The following PZP variants were observed in gnomAD, a reference collection of about 807,000 sequenced individuals.
PZP encodes the protein pregnancy zone protein.
A neutral mutation model predicts 179.8 loss-of-function variants in PZP; 150 were observed. The observed-to-expected ratio is 0.83, with a 90% CI of 0.73 to 0.96. The LOEUF (loss-of-function observed/expected upper bound fraction) is 0.96. Ranked by LOEUF, PZP falls within the 40% of genes least tolerant of loss-of-function variation. The pLI is 0.00. For synonymous variants in PZP, 624 were observed against 652.3 expected (o/e 0.96, Z 0.66); for missense variants, 1,689 against 1,764.0 (o/e 0.96, Z 0.76).
chr12:9,201,909 T>A lies in PZP; in HGVS notation c.480+410A>T, dbSNP rs768244021. On this transcript the variant is annotated intron_variant, in intron 4 of 35. Coordinates refer to ENST00000261336, the MANE Select transcript of PZP (RefSeq NM_002864.3). ...AGTCTTTGTGTATAATATATTTCTA[T>A]ACTATATGTATCGAATATATAATAA... Among the ~76,000 whole-genome samples, 3 of 152,216 alleles carry A rather than the reference T, an allele frequency of 2.0e-5. No homozygotes were observed. The South Asian group carries it at 6.2e-4, about 31-fold the overall frequency.
chr12:9,150,644 C>G lies in PZP; in HGVS notation c.4384G>C (p.Asp1462His). Reference sequence around the variant, plus strand: ...ATTGTTTCATTTTTCTTTCACTCACCTGTCTCATAGTAATCATAGACTTTA... The same window carrying G: ...ATTGTTTCATTTTTCTTTCACTCACGTGTCTCATAGTAATCATAGACTTTA... ...IVKVYDYYET[D>H]ESVVAEYIAP... is the part of the protein sequence containing the mutation. Residue 1462 changes from aspartate to histidine, a missense_variant and splice_region_variant, in exon 34 of 36, where the codon GAT becomes CAT. Physicochemically the swap from Asp to His is moderately conservative, Grantham distance 81. Transcript: ENST00000261336. The G allele has an allele frequency of 6.3e-7, 1 of 1,585,110 alleles. No homozygotes were observed. Among genetic ancestry groups the G allele is most frequent in the Non-Finnish European group, 8.6e-7 (1 of 1,157,058 alleles).
At position 9,180,896 on chromosome 12, in the gene PZP, A is replaced by C. The variant is rs959673506; in HGVS notation, c.1839+87T>G. On this transcript the variant is annotated intron_variant, in intron 15 of 35. Coordinates refer to ENST00000261336, the MANE Select transcript of PZP (RefSeq NM_002864.3). ...AAATGGGAGAAAATTTTCGCAACCT[A>C]CTCATCTGACAAAGGGCTAATAGAG... 5 of 1,435,446 alleles carry C rather than the reference A, an allele frequency of 3.5e-6. No homozygotes were observed. In the African/African-American group the frequency reaches 5.8e-5, roughly 17 times the overall value. The allele number at this position is 1,435,446 out of a possible 1,614,324, so 88.9% of individuals were successfully genotyped here. A position where few individuals can be genotyped will look rare whatever the true frequency, so the allele number is the denominator to read the frequency against.
intron 13 of PZP, among the ~76,000 whole-genome samples, chr12:9,182,492 T>A (rs1942833019): frequency 6.6e-6 from 1 of 152,216 alleles, no homozygotes; most frequent in South Asian, 2.1e-4. Flanking sequence ...AGAGCTATAA[T>A]TTGTAAGATA....
At chr12:9,141,373 C>G in the PZP span, among the ~76,000 whole-genome samples, 1 of 152,138 alleles carries the variant, frequency 6.6e-6, no homozygotes, top group East Asian at 1.9e-4. Flanking sequence ...TTAATAGAAC[C>G]TTGTAGATAC....
downstream of PZP, among the ~76,000 whole-genome samples, chr12:9,147,853 A>G (rs2045201367): frequency 6.6e-6 from 1 of 152,166 alleles, no homozygotes; most frequent in South Asian, 2.1e-4. Flanking sequence ...GCCTTTATGT[A>G]TGAATTTGAA....
intron 2 of PZP, among the ~76,000 whole-genome samples, chr12:9,202,986 T>A (rs1405625642): frequency 6.6e-6 from 1 of 152,086 alleles, no homozygotes; most frequent in African/African-American, 2.4e-5. Context: ...TCTGAAAAAA[T>A]ATGGGAGAGC....
rs773363271 is a variant in PZP at position 9,153,203 on chromosome 12, T to G, written c.3915A>C (p.Leu1305Phe). Residue 1305 changes from leucine (L) to phenylalanine (F), a missense_variant, in exon 30 of 36, where the codon TTA (leucine) becomes TTC (phenylalanine). Physicochemically the swap from Leu to Phe is conservative, Grantham distance 22. Around this residue, in one of 3 missense-constraint regions of PZP, gnomAD observed 746 missense variants for 749.2 expected, o/e 1.00. Transcript: ENST00000261336. Reference sequence around the variant, plus strand: ...GCTCTGGCAATGAGATCTGCTGCAGTAATAGGAGGTTGTTGTTGTCTACTT... The same window carrying G: ...GCTCTGGCAATGAGATCTGCTGCAGGAATAGGAGGTTGTTGTTGTCTACTT... ...NFQVDNNNLL[L>F]LQQISLPELP... The G allele has an allele frequency of 4.8e-5, 77 of 1,614,036 alleles. No homozygotes were observed. The highest frequency in any genetic ancestry group is 6.1e-5 in the Non-Finnish European group (72 of 1,179,998).
intron 4 of PZP, among the ~76,000 whole-genome samples, chr12:9,201,951 AT>A (rs1255778404): frequency 6.6e-6 from 1 of 152,134 alleles, no homozygotes; most frequent in Admixed American, 6.5e-5. Flanking sequence ...AATATGGTCT[AT>A]TGTATATACC....
intron 7 of PZP, among the ~76,000 whole-genome samples, chr12:9,200,143 T>TG: frequency 6.6e-6 from 1 of 152,320 alleles, no homozygotes; most frequent in Non-Finnish European, 1.5e-5. Context: ...AAATATATGA[T>TG]GAAACAATAC....
chr12:9,199,531 T>C (rs377754346), intron 7 of PZP, among the ~76,000 whole-genome samples: 1 of 152,152 alleles, frequency 6.6e-6, no homozygotes, highest in African/African-American at 2.4e-5. Flanking sequence ...CAATGTATCC[T>C]CTTAAAATTG....
chr12:9,178,657 A>G (rs1009067055), intron 15 of PZP, among the ~76,000 whole-genome samples: 1 of 152,250 alleles, frequency 6.6e-6, no homozygotes, highest in African/African-American at 2.4e-5. Flanking sequence ...TACAAAAATT[A>G]TGGCTACAGC....
intron 15 of PZP, among the ~76,000 whole-genome samples, chr12:9,176,384 G>A (rs1030422474): frequency 3.3e-5 from 5 of 152,180 alleles, no homozygotes; most frequent in African/African-American, 9.7e-5. Context: ...GATCTGTGCA[G>A]CAAATCACCA....
Position 9,157,225 on chromosome 12 carries a change from T to C in PZP, c.3500A>G (p.Asn1167Ser), listed in dbSNP as rs939446691. 1.8e-5 allele frequency: 29 copies of C among 1,614,146 alleles called. No homozygotes were observed. The highest frequency in any genetic ancestry group is 2.5e-5 in the Non-Finnish European group (29 of 1,180,006). The change falls in exon 28 of 36, where the codon AAT (asparagine) becomes AGT (serine). Residue 1167 changes from asparagine (N) to serine (S), a missense_variant. Around this residue, in one of 3 missense-constraint regions of PZP, gnomAD observed 746 missense variants for 749.2 expected, o/e 1.00. Coordinates refer to ENST00000261336, the MANE Select transcript of PZP (RefSeq NM_002864.3). ...AYAFSLLGKQ[N>S]QNREILNSLD... is the part of the protein sequence containing the mutation. ...TGAGTTCAGTATTTCTCTATTCTGA[T>C]TTTGCTTTCCCAGTAGGGAAAAAGC...
chr12:9,207,018 G>A (rs928867800), intron 1 of PZP, among the ~76,000 whole-genome samples: 1 of 152,154 alleles, frequency 6.6e-6, no homozygotes, highest in African/African-American at 2.4e-5. Context: ...GAGGGATAGT[G>A]GGGGAGAAAT....
intron 15 of PZP, among the ~76,000 whole-genome samples, chr12:9,172,829 A>G (rs971872597): frequency 2.0e-5 from 3 of 152,212 alleles, no homozygotes; most frequent in African/African-American, 7.2e-5. Context: ...TCATAAAGCA[A>G]GTTCTTATAT....
chr12:9,156,621 G>T (rs950355355), intron 28 of PZP, among the ~76,000 whole-genome samples: 1 of 152,122 alleles, frequency 6.6e-6, no homozygotes, highest in Non-Finnish European at 1.5e-5. Context: ...CTATTATATT[G>T]GTTTTAGCAA....
At chr12:9,171,690 T>C (rs1387655998) in intron 15 of PZP, among the ~76,000 whole-genome samples, 1 of 152,000 alleles carries the variant, frequency 6.6e-6, no homozygotes, top group Admixed American at 6.5e-5. Context: ...AACTTCACAA[T>C]GCAATCACAA....
chr12:9,150,010 T>G (rs1360413879), intron 34 of PZP, among the ~76,000 whole-genome samples: 1 of 152,212 alleles, frequency 6.6e-6, no homozygotes, highest in Non-Finnish European at 1.5e-5. Context: ...TCCTCTAGGA[T>G]CCAAATCAGA....
At chr12:9,159,402 A>G (rs1259592817) in intron 25 of PZP, among the ~76,000 whole-genome samples, 3 of 152,206 alleles carry the variant, frequency 2.0e-5, no homozygotes, top group Non-Finnish European at 2.9e-5. Context: ...TAAGAATTAA[A>G]TAAGGTAACA....
Sources: gnomAD v4.1 joint callset for allele counts (sites outside exome capture counted in the v4.1 genomes callset) on GRCh38, gnomAD v4.1.1 for gene constraint, gnomAD v4.1.1 regional missense constraint, MANE v1.5 for transcripts, NCBI Gene and HGNC (gene_info 2026-07-23, HGNC 2026-07-21) for gene names.